Variants in NEGR1 observed in about 807,000 individuals in gnomAD.
The protein encoded by NEGR1 is neuronal growth regulator 1.
A neutral mutation model predicts 40.9 loss-of-function variants in NEGR1; 10 were observed. That is an observed-to-expected ratio of 0.24 (90% CI 0.15 to 0.42). The LOEUF is 0.42. Ranked by LOEUF, NEGR1 falls within the 10% of genes least tolerant of loss-of-function variation. The pLI is 1.00. For missense variants in NEGR1, 352 were observed against 438.9 expected (o/e 0.80, Z 1.77); for synonymous variants, 185 against 166.8 (o/e 1.11, Z -0.84).
At chr1:72,017,955 C>T (rs760305957) in intron 1 of NEGR1, among the ~76,000 whole-genome samples, 1 of 151,894 alleles carries the variant, frequency 6.6e-6, no homozygotes, top group African/African-American at 2.4e-5. Flanking sequence ...AGAAATTTAC[C>T]ACCAGGATTA....
At chr1:71,520,350 G>A (rs746253716) in intron 6 of NEGR1, among the ~76,000 whole-genome samples, 9 of 152,058 alleles carry the variant, frequency 5.9e-5, no homozygotes, top group Non-Finnish European at 1.2e-4. Context: ...TACCTCCAAT[G>A]TCATAACGTT....
intron 4 of NEGR1, among the ~76,000 whole-genome samples, chr1:71,684,494 T>C (rs1310518885): frequency 6.6e-6 from 1 of 152,054 alleles, no homozygotes; most frequent in Non-Finnish European, 1.5e-5. Flanking sequence ...GTATCTATTT[T>C]TGTGTGCGTG....
chr1:71,818,696 T>TA (rs1027260017), intron 2 of NEGR1, among the ~76,000 whole-genome samples: 1 of 151,664 alleles, frequency 6.6e-6, no homozygotes, highest in Non-Finnish European at 1.5e-5. Context: ...AAACAAAAGC[T>TA]AAAAAATAAT....
intron 1 of NEGR1, among the ~76,000 whole-genome samples, chr1:72,237,095 C>T (rs1654573782): frequency 6.6e-6 from 1 of 151,824 alleles, no homozygotes; most frequent in Non-Finnish European, 1.5e-5. Context: ...AATATGTTCA[C>T]AAATTCTAAA....
chr1:71,824,232 C>A (rs1658536390), intron 2 of NEGR1, among the ~76,000 whole-genome samples: 1 of 151,814 alleles, frequency 6.6e-6, no homozygotes, highest in African/African-American at 2.4e-5. Context: ...TAGGGCAAAA[C>A]CTAGTTAATT....
chr1:71,790,843 G>A (rs1657090611), intron 2 of NEGR1, among the ~76,000 whole-genome samples: 1 of 151,952 alleles, frequency 6.6e-6, no homozygotes, highest in Admixed American at 6.6e-5. Flanking sequence ...TTGTATATGA[G>A]GAAGTAAACT....
At position 72,124,004 on chromosome 1, in the gene NEGR1, A is replaced by G. The variant is rs1399617902; in HGVS notation, c.176+158315T>C. On this transcript the variant is annotated intron_variant, in intron 1 of 6. Transcript: ENST00000357731. ...GTTATGTATAAATCACCGTTTTGAA[A>G]TTAGAAATCTATCATTTATATAGTT... is the stretch of plus-strand genomic sequence containing the variant. Among the ~76,000 whole-genome samples the G allele has an allele frequency of 3.3e-5, 5 of 152,176 alleles. No individual in the cohort carries two copies. In the East Asian group the frequency reaches 9.7e-4, roughly 29 times the overall value.
At chr1:71,474,299 G>C (rs189298013) in intron 6 of NEGR1, among the ~76,000 whole-genome samples, 13 of 151,054 alleles carry the variant, frequency 8.6e-5, no homozygotes, top group Admixed American at 7.3e-4. Flanking sequence ...GTGTGTGTGT[G>C]TGTGTGTGTG....
At chr1:71,792,196 A>G (rs985163128) in intron 2 of NEGR1, among the ~76,000 whole-genome samples, 2 of 152,106 alleles carry the variant, frequency 1.3e-5, no homozygotes, top group African/African-American at 4.8e-5. Context: ...TTTGATTAAT[A>G]TCTTTGTGGG....
chr1:71,957,644 A>G (rs1646130157), intron 1 of NEGR1, among the ~76,000 whole-genome samples: 1 of 152,150 alleles, frequency 6.6e-6, no homozygotes, highest in South Asian at 2.1e-4. Context: ...ATCACTCTTT[A>G]GTAATCACAT....
chr1:72,007,900 C>T (rs1040337651), intron 1 of NEGR1, among the ~76,000 whole-genome samples: 1 of 152,030 alleles, frequency 6.6e-6, no homozygotes, highest in Non-Finnish European at 1.5e-5. Context: ...TCAAGTTAGC[C>T]ATTTTATGGC....
At chr1:72,262,212 C>A (rs1035090305) in intron 1 of NEGR1, among the ~76,000 whole-genome samples, 6 of 151,960 alleles carry the variant, frequency 3.9e-5, no homozygotes, top group African/African-American at 1.4e-4. Flanking sequence ...ATTTCCCTTA[C>A]TTACATAAGG....
chr1:72,136,187 T>A (rs1032916947), intron 1 of NEGR1, among the ~76,000 whole-genome samples: 2 of 152,162 alleles, frequency 1.3e-5, no homozygotes, highest in African/African-American at 4.8e-5. Context: ...AAATTGACTC[T>A]GAAATAAAAT....
rs1046381346 is a variant in NEGR1 at position 71,860,985 on chromosome 1, C to T, written c.409+74094G>A. ...GAAGAGGCCATTGAGATGACAATTA[C>T]TAGTTTGCTAACGATTAAAAGCTAA... On this transcript the variant is annotated intron_variant, in intron 2 of 6. Transcript: ENST00000357731. 1.4e-4 allele frequency among the ~76,000 whole-genome samples: 21 copies of T among 152,132 alleles called. No individual in the cohort carries two copies. In the South Asian group the frequency reaches 3.7e-3, roughly 27 times the overall value.
chr1:71,667,366 C>G (rs1652278096), intron 4 of NEGR1, among the ~76,000 whole-genome samples: 1 of 152,072 alleles, frequency 6.6e-6, no homozygotes, highest in African/African-American at 2.4e-5. Flanking sequence ...GCAATAAAAC[C>G]AAGGTCTGTG....
chr1:71,542,859 C>G (rs774232056), intron 6 of NEGR1, among the ~76,000 whole-genome samples: 1 of 151,666 alleles, frequency 6.6e-6, no homozygotes, highest in African/African-American at 2.4e-5. Flanking sequence ...TTTTCCTGAT[C>G]CAACCAATTC....
chr1:71,911,786 G>A (rs1372202449), intron 2 of NEGR1, among the ~76,000 whole-genome samples: 2 of 152,192 alleles, frequency 1.3e-5, no homozygotes, highest in African/African-American at 2.4e-5. Context: ...CGACTGAACA[G>A]TAAGAAATTT....
At chr1:72,274,843 C>T in intron 1 of NEGR1, 1 of 1,562,238 alleles carries the variant, frequency 6.4e-7, no homozygotes, top group Non-Finnish European at 8.8e-7. Flanking sequence ...CATCCTCAGC[C>T]ACCCCATCAA....
intron 3 of NEGR1, among the ~76,000 whole-genome samples, chr1:71,722,898 C>G (rs1426420297): frequency 6.6e-6 from 1 of 151,982 alleles, no homozygotes; most frequent in Non-Finnish European, 1.5e-5. Flanking sequence ...TGCAATATTT[C>G]CCTTTTGTTC....
Sources: gnomAD v4.1 joint callset for allele counts (sites outside exome capture counted in the v4.1 genomes callset) on GRCh38, gnomAD v4.1.1 for gene constraint, MANE v1.5 for transcripts, NCBI Gene and HGNC (gene_info 2026-07-23, HGNC 2026-07-21) for gene names.